The following ATP6V1C2 variants were observed in gnomAD, a reference collection of about 807,000 sequenced individuals.
ATP6V1C2 encodes V-type proton ATPase subunit C 2.
A neutral mutation model predicts 56.8 loss-of-function variants in ATP6V1C2; 45 were observed. That is an observed-to-expected ratio of 0.79 (90% CI 0.62 to 1.02). ATP6V1C2 has a LOEUF of 1.02. Ranked by LOEUF, ATP6V1C2 falls within the 50% of genes least tolerant of loss-of-function variation. ATP6V1C2 has a pLI of 0.00. For missense variants in ATP6V1C2, 463 were observed against 519.7 expected, an observed-to-expected ratio of 0.89 and a Z score of 1.06; for synonymous variants, 220 against 201.3, an observed-to-expected ratio of 1.09 and a Z score of -0.79.
chr2:10,749,437 A>G (rs1021006537), intron 3 of ATP6V1C2, among the ~76,000 whole-genome samples: 9 of 152,212 alleles, frequency 5.9e-5, no homozygotes, highest in African/African-American at 2.2e-4. Context: ...GTCAAACATG[A>G]GAAAAGATGT....
intron 4 of ATP6V1C2, among the ~76,000 whole-genome samples, chr2:10,755,288 G>T (rs759860297): frequency 6.6e-6 from 1 of 151,534 alleles, no homozygotes; most frequent in Non-Finnish European, 1.5e-5. Context: ...CGCCCGCCCT[G>T]GTCTCCCAAA....
chr2:10,769,032 G>A (rs1325217049), intron 6 of ATP6V1C2, among the ~76,000 whole-genome samples: 1 of 152,154 alleles, frequency 6.6e-6, no homozygotes, highest in Non-Finnish European at 1.5e-5. Context: ...CCAGGGAAGA[G>A]GATGTGGCCA....
intron 3 of ATP6V1C2, among the ~76,000 whole-genome samples, chr2:10,743,062 C>T (rs1054799577): frequency 1.9e-4 from 29 of 152,294 alleles, no homozygotes; most frequent in Admixed American, 9.8e-4. Flanking sequence ...CTGAGTAGCA[C>T]GCCTCTGTCT....
At chr2:10,778,183 G>T (rs1024494833) in intron 11 of ATP6V1C2, among the ~76,000 whole-genome samples, 1 of 152,236 alleles carries the variant, frequency 6.6e-6, no homozygotes, top group African/African-American at 2.4e-5. Flanking sequence ...GTGGGGCTGT[G>T]AGGGGAGGCG....
chr2:10,721,896 C>T (rs1169086020), intron 1 of ATP6V1C2, among the ~76,000 whole-genome samples, 165 bp downstream of exon 1: 1 of 152,210 alleles, frequency 6.6e-6, no homozygotes, highest in Non-Finnish European at 1.5e-5. Context: ...GCAGGTGCTG[C>T]GGCGGGCCAG....
At chr2:10,728,966 A>C (rs1661807573) in intron 3 of ATP6V1C2, among the ~76,000 whole-genome samples, 1 of 147,862 alleles carries the variant, frequency 6.8e-6, no homozygotes, top group African/African-American at 2.5e-5. Context: ...AAAATACAAA[A>C]AAAAAAAAAA....
rs1424080963 is a variant in ATP6V1C2 at position 10,763,693 on chromosome 2, C to T, written c.284-638C>T. Among the ~76,000 whole-genome samples the T allele has an allele frequency of 6.6e-6, 1 of 152,188 alleles. No homozygotes were observed. Among genetic ancestry groups the T allele is most frequent in the African/African-American group, 2.4e-5 (1 of 41,452 alleles). ...TATTAAAAGAGGTCAGGTCCTGGGGCGGCTGGCCCAGGTAGCTCTCTTCAA... is the reference window on the plus strand; with the variant it reads ...TATTAAAAGAGGTCAGGTCCTGGGGTGGCTGGCCCAGGTAGCTCTCTTCAA... On this transcript the variant is annotated intron_variant, in intron 4 of 13. Coordinates refer to ENST00000272238, the MANE Select transcript of ATP6V1C2 (RefSeq NM_001039362.2). The surrounding 1 kb of genome is among the most constrained non-coding windows in gnomAD (Gnocchi z 4.2).
Position 10,774,803 on chromosome 2 carries a change from CA to C in ATP6V1C2, c.656del (p.Lys219ArgfsTer8). ...PRSTKLITEDKEGGLFTVTLF... is the reference protein window; with the variant it reads ...PRSTKLITEDXEGGLFTVTLF... ...TCTCCAACAGACTCATTACTGAGGA[CA>C]AGGAAGGGGGCCTTTTCACTGTGAC... On this transcript the variant is annotated frameshift_variant, in exon 9 of 14. Coordinates refer to ENST00000272238, the MANE Select transcript of ATP6V1C2 (RefSeq NM_001039362.2). LOFTEE classifies it high-confidence loss of function. 6.2e-7 allele frequency: 1 copy of C among 1,614,064 alleles called. No homozygotes were observed. Among genetic ancestry groups the C allele is most frequent in the East Asian group, 2.2e-5 (1 of 44,874 alleles).
At chr2:10,769,392 T>C (rs901968974) in intron 6 of ATP6V1C2, among the ~76,000 whole-genome samples, 12 of 152,134 alleles carry the variant, frequency 7.9e-5, no homozygotes, top group Non-Finnish European at 1.6e-4. Context: ...GTGAGTGTCC[T>C]GTTGTTGGAG....
intron 3 of ATP6V1C2, among the ~76,000 whole-genome samples, chr2:10,743,992 A>AT (rs1358464080): frequency 0.033 from 1,095 of 32,862 alleles, 11 homozygotes; most frequent in African/African-American, 0.051. Flanking sequence ...AAAAAAAAAA[A>AT]AAAAATAATA....
At chr2:10,760,237 G>A (rs1449246715) in intron 4 of ATP6V1C2, among the ~76,000 whole-genome samples, 1 of 152,156 alleles carries the variant, frequency 6.6e-6, no homozygotes, top group African/African-American at 2.4e-5. Flanking sequence ...GGGTGTGATG[G>A]CGTGTGCCTG....
In ATP6V1C2 at chr2:10,763,577, G is replaced by A. The variant is rs1664048994; in HGVS notation, c.284-754G>A. Among the ~76,000 whole-genome samples the A allele has an allele frequency of 6.6e-6, 1 of 152,198 alleles. No homozygotes were observed. Among genetic ancestry groups the A allele is most frequent in the African/African-American group, 2.4e-5 (1 of 41,458 alleles). Reference sequence around the variant, plus strand: ...GCCTAGGCTGGGACATCCGCCATGGGAAGGGCCCTCTGCCAGGGGCACAGG... The same window carrying A: ...GCCTAGGCTGGGACATCCGCCATGGAAAGGGCCCTCTGCCAGGGGCACAGG... On this transcript the variant is annotated intron_variant, in intron 4 of 13. Coordinates refer to ENST00000272238, the MANE Select transcript of ATP6V1C2 (RefSeq NM_001039362.2). This position sits in a 1 kb window ranked among gnomAD's most constrained non-coding sequence, Gnocchi z 4.2.
chr2:10,761,299 A>C (rs574701633), intron 4 of ATP6V1C2, among the ~76,000 whole-genome samples: 1 of 152,114 alleles, frequency 6.6e-6, no homozygotes, highest in Non-Finnish European at 1.5e-5. Flanking sequence ...GTGCCTTGAG[A>C]CTGGTTCCCA....
At chr2:10,776,458 T>C (rs1734438) in intron 10 of ATP6V1C2, among the ~76,000 whole-genome samples, 104,750 of 152,038 alleles carry the variant, frequency 0.69, 37,554 homozygotes, top group African/African-American at 0.9. Context: ...TGCTCCAGTC[T>C]TCAGAGCAGG....
At chr2:10,759,166 C>T (rs190027060) in intron 4 of ATP6V1C2, among the ~76,000 whole-genome samples, 5 of 152,362 alleles carry the variant, frequency 3.3e-5, no homozygotes, top group Admixed American at 3.3e-4. Flanking sequence ...CCAAAAGTCA[C>T]TTCTGGAGTT....
chr2:10,753,635 G>A (rs1386712907), intron 3 of ATP6V1C2, among the ~76,000 whole-genome samples: 23 of 151,478 alleles, frequency 1.5e-4, no homozygotes, highest in Admixed American at 1.5e-3. Context: ...GGGTTCAAGC[G>A]ATTCTCCTGC....
intron 3 of ATP6V1C2, among the ~76,000 whole-genome samples, chr2:10,733,366 G>A (rs867209359): frequency 3.9e-5 from 6 of 152,276 alleles, no homozygotes; most frequent in Middle Eastern, 3.4e-3. Flanking sequence ...AGCTGGGTCT[G>A]TAACCTCGGT....
intron 5 of ATP6V1C2, among the ~76,000 whole-genome samples, chr2:10,765,168 G>T (rs998783531): frequency 1.3e-5 from 2 of 152,156 alleles, no homozygotes; most frequent in African/African-American, 4.8e-5. Context: ...CAATGGAGAG[G>T]CAGTGAGTGT....
At chr2:10,777,757 C>T (rs1292494991) in intron 11 of ATP6V1C2, 35 bp downstream of exon 11, 4 of 1,580,558 alleles carry the variant, frequency 2.5e-6, no homozygotes, top group African/African-American at 2.7e-5. Context: ...GGGTCCCTGG[C>T]TCACATCTCC....
Sources: gnomAD v4.1 joint callset for allele counts (sites outside exome capture counted in the v4.1 genomes callset) on GRCh38, gnomAD v4.1.1 for gene constraint, Gnocchi (gnomAD v3.1) non-coding constraint, MANE v1.5 for transcripts, NCBI Gene and HGNC (gene_info 2026-07-23, HGNC 2026-07-21) for gene names.